HAL: variants seen among roughly 807,000 people sequenced by gnomAD.
HAL encodes histidase.
Under a neutral mutation model 81.1 loss-of-function variants are expected in HAL, and 85 were observed. The ratio of observed to expected loss-of-function variants is 1.05; its 90% CI spans 0.88 to 1.25. The LOEUF is 1.25. Among genes scored for constraint, HAL ranks in the 50% most tolerant of loss-of-function variants. HAL has a pLI of 0.00. For synonymous variants in HAL, 301 were observed against 309.2 expected (o/e 0.97, Z 0.28); for missense variants, 798 against 836.6 (o/e 0.95, Z 0.57).
chr12:95,974,738 TG>T (rs1402688941), intron 20 of HAL, among the ~76,000 whole-genome samples: 1 of 152,176 alleles, frequency 6.6e-6, no homozygotes, highest in African/African-American at 2.4e-5. Context: ...CTTGTTTTTT[TG>T]TTTTTTTTCT....
At chr12:95,982,163 T>C (rs2080802514) in intron 15 of HAL, among the ~76,000 whole-genome samples, 1 of 152,208 alleles carries the variant, frequency 6.6e-6, no homozygotes, top group African/African-American at 2.4e-5. Context: ...ACAATTAGAA[T>C]TTAACTCCCA....
chr12:95,992,378 G>C (rs983298486), intron 9 of HAL, among the ~76,000 whole-genome samples: 1 of 152,192 alleles, frequency 6.6e-6, no homozygotes, highest in African/African-American at 2.4e-5. Context: ...CTTAATCCAA[G>C]TTTCTTCTAG....
chr12:95,975,968 C>A, intron 20 of HAL: 1 of 250,584 alleles, frequency 4.0e-6, no homozygotes, highest in African/African-American at 2.2e-5. Flanking sequence ...AAACCCGCAT[C>A]TCACCAGAGC....
chr12:95,986,696 C>G (rs1949893051), intron 12 of HAL, among the ~76,000 whole-genome samples: 1 of 152,004 alleles, frequency 6.6e-6, no homozygotes, highest in Non-Finnish European at 1.5e-5. Flanking sequence ...AATAAGCTAC[C>G]AATTCGACAG....
chr12:95,974,079 A>G lies in HAL; in HGVS notation c.*153T>C, dbSNP rs1397896090. The stretch of plus-strand genomic sequence containing the variant: ...CAGTGCTGAATTTAGCAACTATAAT[A>G]CTGCCATCAGCCTAACCAACGTAGG... On this transcript the variant is annotated 3_prime_UTR_variant, in exon 21 of 21. Transcript: ENST00000261208. The G allele has an allele frequency of 3.0e-5, 23 of 759,818 alleles. No homozygotes were observed. Among genetic ancestry groups the G allele is most frequent in the Non-Finnish European group, 5.3e-5 (22 of 418,930 alleles). The allele number at this position is 759,818 out of a possible 1,614,324, so 47.1% of individuals were successfully genotyped here. A position where few individuals can be genotyped will look rare whatever the true frequency, so the allele number is the denominator to read the frequency against.
intron 5 of HAL, 44 bp from the exon 6 acceptor site, chr12:95,994,042 CG>C: frequency 6.3e-7 from 1 of 1,595,028 alleles, no homozygotes; most frequent in Non-Finnish European, 8.6e-7. Flanking sequence ...AAGACTTCCA[CG>C]GGCAACAAAA....
At chr12:95,985,669 G>A (rs1284752245) in intron 14 of HAL, among the ~76,000 whole-genome samples, 1 of 147,612 alleles carries the variant, frequency 6.8e-6, no homozygotes, top group African/African-American at 2.5e-5. Context: ...CTGAAAGTAG[G>A]TTGAACAATC....
chr12:95,973,949 T>G lies in HAL; in HGVS notation c.*283A>C. 1 of 423,046 alleles carries G rather than the reference T, an allele frequency of 2.4e-6. No individual in the cohort carries two copies. The highest frequency in any genetic ancestry group is 4.3e-6 in the Non-Finnish European group (1 of 234,018). 26.2% of individuals were successfully genotyped at this position (423,046 alleles called of 1,614,324 possible). On this transcript the variant is annotated 3_prime_UTR_variant, in exon 21 of 21. Coordinates refer to ENST00000261208, the MANE Select transcript of HAL (RefSeq NM_002108.4). ...CAGGCACATACAATTGTGGTTATTC[T>G]TCTCACCCTTAAGAGTGAGTGGCCT...
intron 15 of HAL, among the ~76,000 whole-genome samples, chr12:95,982,753 C>G (rs1444677834): frequency 6.6e-6 from 1 of 152,240 alleles, no homozygotes; most frequent in African/African-American, 2.4e-5. Flanking sequence ...TCTTCTAACT[C>G]AGCCTGTGAC....
chr12:95,992,488 G>A (rs999197265), intron 9 of HAL, among the ~76,000 whole-genome samples, 192 bp downstream of exon 9: 1 of 152,156 alleles, frequency 6.6e-6, no homozygotes, highest in Non-Finnish European at 1.5e-5. Context: ...AAGTTCATAG[G>A]AGTAAGCATC....
intron 4 of HAL, 121 bp downstream of exon 4, chr12:95,994,677 A>G: frequency 2.0e-6 from 2 of 1,001,532 alleles, no homozygotes; most frequent in Admixed American, 3.4e-5. Context: ...GACATGAGTC[A>G]CTGCTCCCGG....
Position 95,992,671 on chromosome 12 carries a change from T to C in HAL, c.715+9A>G, listed in dbSNP as rs151109430. ...CACAGAGGTTCCGTCTAGGGAGCCA[T>C]TGCATTACCATTAAACATTTCTATG... On this transcript the variant is annotated intron_variant, in intron 9 of 20. Transcript: ENST00000261208. 6,138 of 1,610,174 alleles carry C rather than the reference T, an allele frequency of 3.8e-3. 20 individuals are homozygous for C. Among genetic ancestry groups the C allele is most frequent in the Non-Finnish European group, 4.6e-3 (5,391 of 1,176,838 alleles).
At chr12:95,975,382 CAAA>C (rs1322536037) in intron 20 of HAL, among the ~76,000 whole-genome samples, 1 of 146,940 alleles carries the variant, frequency 6.8e-6, no homozygotes, top group East Asian at 2.0e-4. Context: ...AACATCATCT[CAAA>C]GTAAGGCCCT....
intron 4 of HAL, among the ~76,000 whole-genome samples, chr12:95,994,389 T>TGTGG (rs980928754): frequency 2.6e-5 from 4 of 152,182 alleles, no homozygotes; most frequent in African/African-American, 9.7e-5. Context: ...GATAAAGCCC[T>TGTGG]GTGGTTGGTT....
intron 15 of HAL, among the ~76,000 whole-genome samples, chr12:95,982,615 G>A (rs77798722): frequency 0.21 from 31,972 of 152,152 alleles, 3,790 homozygotes; most frequent in South Asian, 0.31. Flanking sequence ...CTTATTTAGT[G>A]TGGGTTTGAC....
At chr12:95,989,271 G>T (rs188968710) in intron 10 of HAL, among the ~76,000 whole-genome samples, 127 of 152,326 alleles carry the variant, frequency 8.3e-4, no homozygotes, top group African/African-American at 2.7e-3. Flanking sequence ...CTGCAGCCTT[G>T]AACTCCTGGG....
In HAL at chr12:95,992,884, A is replaced by G. The variant is rs1018091907; in HGVS notation, c.590-79T>C. On this transcript the variant is annotated intron_variant, in intron 8 of 20. Transcript: ENST00000261208. ...CTGACAATTGCCCTCCCTCCCTCCA[A>G]TCTTTCCCATATGTAGCCCAGCCTG... The G allele has an allele frequency of 3.7e-5, 32 of 858,566 alleles. No homozygotes were observed. The East Asian group carries it at 9.4e-4, about 25-fold the overall frequency. 53.2% of individuals were successfully genotyped at this position (858,566 alleles called of 1,614,324 possible).
chr12:95,980,495 T>C lies in HAL; in HGVS notation c.1519+61A>G, dbSNP rs1420661787. 3 of 1,500,226 alleles carry C rather than the reference T, an allele frequency of 2.0e-6. No homozygotes were observed. In the Admixed American group the frequency reaches 5.0e-5, roughly 25 times the overall value. 92.9% of individuals were successfully genotyped at this position (1,500,226 alleles called of 1,614,324 possible). On this transcript the variant is annotated intron_variant, in intron 17 of 20. Transcript: ENST00000261208. ...ACAGACCACATTTGATACTTCTAGG[T>C]GAAATGGAAAGACCCTTAGATGGAC... is the stretch of plus-strand genomic sequence containing the variant.
intron 7 of HAL, 124 bp from the exon 8 acceptor site, chr12:95,993,612 C>G (rs755588127): frequency 2.3e-6 from 2 of 867,290 alleles, no homozygotes; most frequent in Non-Finnish European, 3.9e-6. Context: ...ATGGGAGAAA[C>G]CAGCCAGCCT....
Sources: allele counts gnomAD v4.1 joint callset (sites outside exome capture counted in the v4.1 genomes callset), GRCh38; gene constraint gnomAD v4.1.1; transcripts MANE v1.5; gene names NCBI Gene and HGNC (gene_info 2026-07-23, HGNC 2026-07-21).